Variants in ZC4H2 observed in about 807,000 individuals in gnomAD.
The protein encoded by ZC4H2 is zinc finger C4H2-type containing.
For missense variants in ZC4H2, 137 were observed against 173.9 expected, an observed-to-expected ratio of 0.79 and a Z score of 1.19; for synonymous variants, 84 against 66.3, an observed-to-expected ratio of 1.27 and a Z score of -1.30.
Position 64,920,069 on chromosome X carries a change from C to T in ZC4H2, c.398+12G>A, listed in dbSNP as rs200775718. On this transcript the variant is annotated intron_variant, in intron 3 of 4. Coordinates refer to ENST00000374839, the MANE Select transcript of ZC4H2 (RefSeq NM_018684.4). ...GAGGGTATGTTGTAGGGACTGGGGG[C>T]AGGTAGCTTACTCCAAGGAAAGCTT... is the stretch of plus-strand genomic sequence containing the variant. The T allele has an allele frequency of 1.6e-5, 19 of 1,204,427 alleles. No homozygotes were observed. The highest frequency in any genetic ancestry group is 2.1e-5 in the Non-Finnish European group (19 of 893,019).
At position 64,918,791 on chromosome X, in the gene ZC4H2, T is replaced by C. The variant is rs1929045863; in HGVS notation, c.561+251A>G. The C allele has an allele frequency of 2.9e-5, 8 of 280,178 alleles. No homozygotes were observed. In the South Asian group the frequency reaches 1.5e-3, roughly 54 times the overall value. 23.1% of individuals were successfully genotyped at this position (280,178 alleles called of 1,213,427 possible). On this transcript the variant is annotated intron_variant, in intron 4 of 4. Coordinates refer to ENST00000374839, the MANE Select transcript of ZC4H2 (RefSeq NM_018684.4). ...TTTGTGTAAGAGTCATTTCTAACTT[T>C]TAGAATTGCACTCTAGCAGGGCCTG... is the stretch of plus-strand genomic sequence containing the variant.
chrX:65,025,145 C>CTT lies in ZC4H2; in HGVS notation c.-272+9482_-272+9483dup, dbSNP rs1177199868. On this transcript the variant is annotated intron_variant, in intron 1 of 4. Coordinates refer to the ZC4H2 transcript ENST00000337990. ...GGTTTTTTTGTTGGTTTGTTTTTTGCTTTTTTTTTTTTTTTTTTTTTGAGT... is the reference window on the plus strand; with the variant it reads ...GGTTTTTTTGTTGGTTTGTTTTTTGCTTTTTTTTTTTTTTTTTTTTTTTGAGT... Among the ~76,000 whole-genome samples, 182 of 73,680 alleles carry CTT rather than the reference C, an allele frequency of 2.5e-3. 3 individuals carry two copies. Among genetic ancestry groups the CTT allele is most frequent in the African/African-American group, 6.3e-3 (107 of 16,926 alleles). 64.0% of individuals were successfully genotyped at this position (73,680 alleles called of 115,157 possible). A position where few individuals can be genotyped will look rare whatever the true frequency, so the allele number is the denominator to read the frequency against.
At chrX:64,952,325 C>T (rs1930890671) in intron 1 of ZC4H2, among the ~76,000 whole-genome samples, 1 of 107,198 alleles carries the variant, frequency 9.3e-6, no homozygotes, top group South Asian at 4.1e-4. Flanking sequence ...TAGTTTCTTC[C>T]AATTCTGTGA....
intron 1 of ZC4H2, among the ~76,000 whole-genome samples, chrX:64,943,646 C>T (rs1237304836): frequency 9.0e-6 from 1 of 111,395 alleles, no homozygotes; most frequent in Non-Finnish European, 1.9e-5. Flanking sequence ...ACTAGGATTG[C>T]AGCCCCTGCT....
intron 1 of ZC4H2, chrX:64,922,273 G>GAA: frequency 5.0e-6 from 1 of 198,213 alleles, no homozygotes; most frequent in Non-Finnish European, 8.0e-6. Flanking sequence ...AAAGAAAAAA[G>GAA]AAAAAAAAAA....
intron 1 of ZC4H2, among the ~76,000 whole-genome samples, chrX:65,000,315 A>T (rs1932511284): frequency 8.9e-6 from 1 of 112,053 alleles, no homozygotes; most frequent in South Asian, 3.7e-4. Context: ...TCTGGAGTGG[A>T]TCTCCAGCAA....
At position 64,955,691 on chromosome X, in the gene ZC4H2, C is replaced by G. The variant is rs768861735; in HGVS notation, c.53+20634G>C. Among the ~76,000 whole-genome samples the G allele has an allele frequency of 1.8e-4, 20 of 112,044 alleles. 1 individual carries two copies. Among genetic ancestry groups the G allele is most frequent in the Non-Finnish European group, 3.2e-4 (17 of 53,151 alleles). ...CTAGCATCATGAGATTCTTGTCTAA[C>G]TATTTTTTTCCTTGCTTATGCCTCT... On this transcript the variant is annotated intron_variant, in intron 1 of 4. Transcript: ENST00000374839.
rs182337473 is a variant in ZC4H2 at position 64,995,639 on chromosome X, C to T, written c.-272+38990G>A. ...CCTCCCAAAGTGCTGGGATTACAGG[C>T]GTGAGCCACCACATCAGGCCTTAGG... On this transcript the variant is annotated intron_variant, in intron 1 of 4. Transcript: ENST00000337990. Among the ~76,000 whole-genome samples the T allele has an allele frequency of 2.2e-3, 247 of 112,517 alleles. 2 individuals are homozygous for T. The highest frequency in any genetic ancestry group is 0.021 in the Admixed American group (227 of 10,668).
At chrX:64,952,577 A>C (rs904984153) in intron 1 of ZC4H2, among the ~76,000 whole-genome samples, 1 of 111,284 alleles carries the variant, frequency 9.0e-6, no homozygotes, top group Non-Finnish European at 1.9e-5. Context: ...AGTTGCTTCA[A>C]AGAGAATAAA....
At chrX:65,006,844 C>A (rs756994464) in intron 1 of ZC4H2, among the ~76,000 whole-genome samples, 1 of 112,301 alleles carries the variant, frequency 8.9e-6, no homozygotes, top group East Asian at 2.8e-4. Context: ...TAAAAGTAGA[C>A]ACTTTGTGAA....
chrX:64,952,441 C>A (rs1252889163), intron 1 of ZC4H2, among the ~76,000 whole-genome samples: 2 of 110,514 alleles, frequency 1.8e-5, no homozygotes, highest in Non-Finnish European at 3.8e-5. Flanking sequence ...CCCAAAATCT[C>A]CTCAAGCTGA....
chrX:64,987,153 C>T (rs1932204835), intron 1 of ZC4H2, among the ~76,000 whole-genome samples: 1 of 109,960 alleles, frequency 9.1e-6, no homozygotes, highest in African/African-American at 3.3e-5. Context: ...TGGTCTCAAT[C>T]TCCTGACCTT....
chrX:65,030,821 A>T (rs976715908), intron 1 of ZC4H2, among the ~76,000 whole-genome samples: 7 of 111,210 alleles, frequency 6.3e-5, no homozygotes, highest in African/African-American at 2.3e-4. Flanking sequence ...TAGATATCTC[A>T]TCTCCCACCC....
intron 1 of ZC4H2, among the ~76,000 whole-genome samples, chrX:65,017,367 A>G (rs750061133): frequency 1.9e-4 from 21 of 112,555 alleles, no homozygotes; most frequent in African/African-American, 6.8e-4. Context: ...ACAATTTTCC[A>G]ACCTGGTTCA....
At chrX:65,024,162 G>A (rs1312064618) in intron 1 of ZC4H2, among the ~76,000 whole-genome samples, 1 of 110,495 alleles carries the variant, frequency 9.1e-6, no homozygotes, top group African/African-American at 3.3e-5. Context: ...TAATGTAGAT[G>A]ATGGGTTGAT....
At chrX:65,006,320 C>G (rs765183965) in intron 1 of ZC4H2, among the ~76,000 whole-genome samples, 34 of 111,621 alleles carry the variant, frequency 3.0e-4, no homozygotes, top group African/African-American at 1.1e-3. Context: ...AAATTCCCAT[C>G]AATGAAAGAC....
chrX:65,019,619 G>A lies in ZC4H2; in HGVS notation c.-272+15010C>T, dbSNP rs779411145. The stretch of plus-strand genomic sequence containing the variant: ...GGCTAAAAATTCCAAAAATCAGAAC[G>A]CCTCTTCTCCTCCAAAGGAACACAA... On this transcript the variant is annotated intron_variant, in intron 1 of 4. Coordinates refer to the ZC4H2 transcript ENST00000337990. Among the ~76,000 whole-genome samples, 7 of 111,961 alleles carry A rather than the reference G, an allele frequency of 6.3e-5. No individual in the cohort carries two copies. In the South Asian group the frequency reaches 1.1e-3, roughly 18 times the overall value.
chrX:65,002,396 G>A (rs916916654), intron 1 of ZC4H2, among the ~76,000 whole-genome samples: 13 of 107,657 alleles, frequency 1.2e-4, no homozygotes, highest in African/African-American at 4.0e-4. Context: ...CGGGAGGGAG[G>A]CGGGGGGTCA....
intron 1 of ZC4H2, among the ~76,000 whole-genome samples, chrX:64,964,195 C>A (rs1350891816): frequency 1.9e-5 from 2 of 104,195 alleles, no homozygotes; most frequent in Non-Finnish European, 4.0e-5. Context: ...TGTGACCTTA[C>A]CACAGTAAAA....
Sources: allele counts gnomAD v4.1 joint callset (sites outside exome capture counted in the v4.1 genomes callset), GRCh38; gene constraint gnomAD v4.1.1; transcripts MANE v1.5; gene names NCBI Gene and HGNC (gene_info 2026-07-23, HGNC 2026-07-21).